Variants in CCDC178 observed in about 807,000 individuals in gnomAD.
The protein encoded by CCDC178 is coiled-coil domain-containing protein 178.
A neutral mutation model predicts 117.4 loss-of-function variants in CCDC178; 126 were observed. The observed-to-expected ratio is 1.07, with a 90% CI of 0.93 to 1.24. The LOEUF (loss-of-function observed/expected upper bound fraction) is 1.24, where lower values mean the gene tolerates loss of function less well. CCDC178 is among the 50% of genes most tolerant of loss of function. The probability of loss-of-function intolerance (pLI) is 0.00; values close to 1 mark genes in which losing one functional copy is unlikely to be tolerated. For synonymous variants in CCDC178, 283 were observed against 313.4 expected, an observed-to-expected ratio of 0.90 and a Z score of 1.02; for missense variants, 1,030 against 986.9, an observed-to-expected ratio of 1.04 and a Z score of -0.59.
chr18:33,239,460 C>T (rs1182124992), intron 15 of CCDC178, among the ~76,000 whole-genome samples: 1 of 150,316 alleles, frequency 6.7e-6, no homozygotes, highest in East Asian at 2.0e-4. Flanking sequence ...AGGAAACTTA[C>T]TTCATTAACC....
At chr18:33,035,208 G>A (rs1315727909) in intron 21 of CCDC178, among the ~76,000 whole-genome samples, 1 of 151,910 alleles carries the variant, frequency 6.6e-6, no homozygotes, top group Admixed American at 6.6e-5. Context: ...TTTGACAAGA[G>A]GGTAGAGTCT....
chr18:33,327,587 T>C (rs2062602491), intron 10 of CCDC178, among the ~76,000 whole-genome samples: 1 of 152,176 alleles, frequency 6.6e-6, no homozygotes, highest in Admixed American at 6.5e-5. Flanking sequence ...ATTACAATGG[T>C]TCCAGTGTCT....
At chr18:33,335,228 C>T (rs1235136320) in intron 9 of CCDC178, among the ~76,000 whole-genome samples, 1 of 151,858 alleles carries the variant, frequency 6.6e-6, no homozygotes, top group Non-Finnish European at 1.5e-5. Context: ...TTAATTAAGT[C>T]CCTCTTTTTG....
At chr18:33,356,375 T>A in intron 6 of CCDC178, 29 bp from the exon 7 acceptor site, 1 of 1,462,524 alleles carries the variant, frequency 6.8e-7, no homozygotes, top group Non-Finnish European at 9.2e-7. Flanking sequence ...TCAATAAAAA[T>A]CAAATCTTAA....
At chr18:33,043,062 CAT>C (rs1333526560) in intron 21 of CCDC178, among the ~76,000 whole-genome samples, 1 of 151,836 alleles carries the variant, frequency 6.6e-6, no homozygotes, top group Admixed American at 6.6e-5. Context: ...ATTTTCAAAA[CAT>C]AAAAATTCAT....
intron 22 of CCDC178, among the ~76,000 whole-genome samples, chr18:32,942,912 T>G (rs181612667): frequency 2.0e-5 from 3 of 152,196 alleles, no homozygotes; most frequent in South Asian, 4.1e-4. Context: ...GTCTTTTTTT[T>G]TGTGCAATGT....
intron 11 of CCDC178, among the ~76,000 whole-genome samples, chr18:33,303,360 C>T (rs2144916714): frequency 6.6e-6 from 1 of 152,076 alleles, no homozygotes; most frequent in Non-Finnish European, 1.5e-5. Flanking sequence ...ATAAGTAGAG[C>T]AAAAAGGATT....
chr18:33,425,674 T>C (rs554914450), intron 2 of CCDC178, among the ~76,000 whole-genome samples: 17 of 152,288 alleles, frequency 1.1e-4, no homozygotes, highest in South Asian at 8.3e-4. Flanking sequence ...ACTTGAACTG[T>C]GCTGCTTGAG....
intron 21 of CCDC178, among the ~76,000 whole-genome samples, chr18:33,053,504 T>C (rs1387494524): frequency 6.6e-6 from 1 of 152,294 alleles, no homozygotes; most frequent in African/African-American, 2.4e-5. Context: ...TAAGAATATG[T>C]TCAGTTGTCT....
intron 20 of CCDC178, among the ~76,000 whole-genome samples, chr18:33,098,260 AG>A (rs1332204615): frequency 1.3e-5 from 2 of 152,132 alleles, no homozygotes; most frequent in Non-Finnish European, 2.9e-5. Context: ...CCTTATTGTT[AG>A]TACAATCATC....
chr18:33,427,668 A>G (rs1323279322), intron 2 of CCDC178, among the ~76,000 whole-genome samples: 3 of 152,172 alleles, frequency 2.0e-5, no homozygotes, highest in African/African-American at 7.2e-5. Flanking sequence ...AAGATTAAAT[A>G]TCATTTTTCT....
intron 3 of CCDC178, among the ~76,000 whole-genome samples, chr18:33,409,531 T>A (rs1224883899): frequency 1.3e-5 from 2 of 152,230 alleles, no homozygotes; most frequent in Non-Finnish European, 2.9e-5. Flanking sequence ...TTAGTAAATA[T>A]GACCTCCCAT....
chr18:33,407,618 TAG>T (rs1187298265), intron 3 of CCDC178, among the ~76,000 whole-genome samples: 3 of 151,980 alleles, frequency 2.0e-5, no homozygotes, highest in South Asian at 2.1e-4. Context: ...CAACTGCATA[TAG>T]AGAGATATAA....
chr18:33,075,866 G>A (rs1193136440), intron 21 of CCDC178, among the ~76,000 whole-genome samples: 1 of 152,132 alleles, frequency 6.6e-6, no homozygotes, highest in African/African-American at 2.4e-5. Flanking sequence ...CTACTCGGGA[G>A]GCTGAGGCAG....
At chr18:33,408,274 A>G (rs111288981) in intron 3 of CCDC178, among the ~76,000 whole-genome samples, 1,716 of 152,152 alleles carry the variant, frequency 0.011, 29 homozygotes, top group African/African-American at 0.039. Flanking sequence ...AAACATTAAA[A>G]GTCTCACTTT....
intron 22 of CCDC178, among the ~76,000 whole-genome samples, chr18:32,971,451 C>A (rs1324738471): frequency 6.6e-6 from 1 of 152,124 alleles, no homozygotes; most frequent in Admixed American, 6.5e-5. Flanking sequence ...GGTTCCAAGT[C>A]TTTGCTATTG....
chr18:33,117,959 A>T (rs2144196510), intron 20 of CCDC178, among the ~76,000 whole-genome samples: 1 of 152,208 alleles, frequency 6.6e-6, no homozygotes, highest in African/African-American at 2.4e-5. Flanking sequence ...ATTGTGTAGT[A>T]GCAGCCCAAT....
intron 11 of CCDC178, among the ~76,000 whole-genome samples, chr18:33,304,025 A>G (rs1441924970): frequency 1.3e-5 from 2 of 152,290 alleles, no homozygotes; most frequent in African/African-American, 4.8e-5. Context: ...TACCTGCAAC[A>G]ATCAGTCATC....
chr18:33,267,553 G>GA (rs907999354), intron 12 of CCDC178, among the ~76,000 whole-genome samples: 1 of 151,186 alleles, frequency 6.6e-6, no homozygotes, highest in African/African-American at 2.4e-5. Flanking sequence ...ACTAGTACAA[G>GA]AAAAAAATGA....
Sources: gnomAD v4.1 joint callset for allele counts (sites outside exome capture counted in the v4.1 genomes callset) on GRCh38, gnomAD v4.1.1 for gene constraint, MANE v1.5 for transcripts, NCBI Gene and HGNC (gene_info 2026-07-23, HGNC 2026-07-21) for gene names.